LRP1B: variants seen among roughly 807,000 people sequenced by gnomAD.
The protein encoded by LRP1B is LDL receptor related protein 1B.
A neutral mutation model predicts 556.6 loss-of-function variants in LRP1B; 217 were observed. That is an observed-to-expected ratio of 0.39 (90% CI 0.35 to 0.44). The LOEUF is 0.44. Ranked by LOEUF, LRP1B falls within the 20% of genes least tolerant of loss-of-function variation. The pLI is 1.00. For missense variants in LRP1B, 5,053 were observed against 5,620.8 expected, an observed-to-expected ratio of 0.90 and a Z score of 3.23; for synonymous variants, 2,047 against 1,865.8, an observed-to-expected ratio of 1.10 and a Z score of -2.50.
At chr2:140,269,141 C>A (rs1413222365) in intron 86 of LRP1B, 1 of 400,572 alleles carries the variant, frequency 2.5e-6, no homozygotes, top group East Asian at 7.2e-5. Flanking sequence ...GTGTGTATGA[C>A]ACAGATGAGC....
In LRP1B at chr2:142,077,383, T is replaced by C. The variant is rs545427975; in HGVS notation, c.82+53265A>G. Among the ~76,000 whole-genome samples the C allele has an allele frequency of 2.6e-5, 4 of 152,270 alleles. No individual in the cohort carries two copies. In the South Asian group the frequency reaches 6.2e-4, roughly 24 times the overall value. On this transcript the variant is annotated intron_variant, in intron 1 of 90. Transcript: ENST00000389484. Reference sequence around the variant, plus strand: ...AGGGACTATGTCTTATTTAAATTTATATCCCTGTAATCTAGCACAACTTGG... The same window carrying C: ...AGGGACTATGTCTTATTTAAATTTACATCCCTGTAATCTAGCACAACTTGG...
chr2:140,285,842 T>C (rs1474588620), intron 84 of LRP1B, among the ~76,000 whole-genome samples: 1 of 31,782 alleles, frequency 3.1e-5, no homozygotes, highest in Non-Finnish European at 1.2e-4. Context: ...AGGGATTCAG[T>C]CATTACTCTT....
chr2:140,639,187 A>G (rs1684184434), intron 41 of LRP1B, among the ~76,000 whole-genome samples: 1 of 152,212 alleles, frequency 6.6e-6, no homozygotes. Flanking sequence ...CAACGTTGTG[A>G]TAATCATAAT....
Position 141,663,927 on chromosome 2 carries a change from A to AC in LRP1B, c.205+146351_205+146352insG, listed in dbSNP as rs1690321200. 3.3e-5 allele frequency among the ~76,000 whole-genome samples: 5 copies of AC among 151,802 alleles called. No homozygotes were observed. In the South Asian group the frequency reaches 8.3e-4, roughly 25 times the overall value. On this transcript the variant is annotated intron_variant, in intron 2 of 90. Coordinates refer to ENST00000389484, the MANE Select transcript of LRP1B (RefSeq NM_018557.3). ...AACCTTGCAGAGATACATCAAAAAA[A>AC]AAAAAAAAACAAAAACACAAAACTT...
At chr2:141,469,054 G>A (rs770633289) in intron 3 of LRP1B, among the ~76,000 whole-genome samples, 5 of 152,030 alleles carry the variant, frequency 3.3e-5, no homozygotes, top group Non-Finnish European at 5.9e-5. Context: ...TTTCTTAATC[G>A]CAAGCCTAAT....
At chr2:140,989,327 C>T (rs1053139312) in intron 17 of LRP1B, among the ~76,000 whole-genome samples, 1 of 152,076 alleles carries the variant, frequency 6.6e-6, no homozygotes, top group Non-Finnish European at 1.5e-5. Flanking sequence ...CCAAATTAGT[C>T]TGGAAAGCAG....
intron 3 of LRP1B, among the ~76,000 whole-genome samples, chr2:141,463,741 C>G (rs1454032827): frequency 7.0e-6 from 1 of 143,834 alleles, no homozygotes; most frequent in Admixed American, 7.1e-5. Flanking sequence ...TGGATATCCT[C>G]AGAACAAGGA....
intron 25 of LRP1B, among the ~76,000 whole-genome samples, chr2:140,876,500 C>T (rs1473967134): frequency 1.3e-5 from 2 of 152,142 alleles, no homozygotes; most frequent in Non-Finnish European, 2.9e-5. Flanking sequence ...GTGTGCTTTC[C>T]TCTAAGGAAT....
At chr2:141,842,688 C>T (rs887849254) in intron 1 of LRP1B, among the ~76,000 whole-genome samples, 5 of 152,066 alleles carry the variant, frequency 3.3e-5, no homozygotes, top group East Asian at 1.9e-4. Flanking sequence ...ATAAATAACA[C>T]ATGGATGAAT....
chr2:141,159,258 A>G (rs1199623812), intron 7 of LRP1B, among the ~76,000 whole-genome samples: 1 of 152,208 alleles, frequency 6.6e-6, no homozygotes, highest in East Asian at 1.9e-4. Flanking sequence ...GTAAATGTCT[A>G]ACATAATTTT....
chr2:141,013,347 T>C (rs1458673293), intron 14 of LRP1B, among the ~76,000 whole-genome samples: 1 of 152,020 alleles, frequency 6.6e-6, no homozygotes, highest in African/African-American at 2.4e-5. Flanking sequence ...CTCACTCATA[T>C]GGAATTCCCA....
At chr2:140,873,952 A>G (rs1219341277) in intron 25 of LRP1B, among the ~76,000 whole-genome samples, 1 of 151,746 alleles carries the variant, frequency 6.6e-6, no homozygotes, top group East Asian at 1.9e-4. Flanking sequence ...TTTTTTGGTA[A>G]GAAAGCTTAA....
intron 3 of LRP1B, among the ~76,000 whole-genome samples, chr2:141,273,702 C>T (rs1266329431): frequency 6.6e-5 from 10 of 152,078 alleles, no homozygotes; most frequent in Admixed American, 2.6e-4. Flanking sequence ...ATAAAATGCA[C>T]AAGTGACAAA....
At chr2:141,670,227 C>T (rs1690612116) in intron 2 of LRP1B, among the ~76,000 whole-genome samples, 1 of 152,048 alleles carries the variant, frequency 6.6e-6, no homozygotes. Context: ...TCCTTGAGGG[C>T]TTTAGTGTCT....
At chr2:141,115,172 T>G (rs575817403) in intron 7 of LRP1B, among the ~76,000 whole-genome samples, 14 of 150,880 alleles carry the variant, frequency 9.3e-5, no homozygotes, top group Non-Finnish European at 5.9e-5. Flanking sequence ...AAAAAGCATG[T>G]GGACTTTCAA....
At chr2:141,053,633 T>C (rs1328690569) in intron 10 of LRP1B, among the ~76,000 whole-genome samples, 1 of 151,962 alleles carries the variant, frequency 6.6e-6, no homozygotes, top group Non-Finnish European at 1.5e-5. Flanking sequence ...CTGGTCCAGG[T>C]TTTTAAATGA....
intron 1 of LRP1B, among the ~76,000 whole-genome samples, chr2:142,068,192 G>A (rs933458004): frequency 6.6e-6 from 1 of 151,516 alleles, no homozygotes; most frequent in African/African-American, 2.4e-5. Flanking sequence ...TTTATGAAAT[G>A]CAGTAAAATC....
chr2:140,585,325 C>T (rs1383887137), intron 43 of LRP1B, among the ~76,000 whole-genome samples: 1 of 152,050 alleles, frequency 6.6e-6, no homozygotes, highest in Non-Finnish European at 1.5e-5. Context: ...GAAATGTCCT[C>T]GGCTTACTAA....
intron 2 of LRP1B, among the ~76,000 whole-genome samples, chr2:141,487,418 C>A (rs981295556): frequency 6.6e-6 from 1 of 152,132 alleles, no homozygotes; most frequent in African/African-American, 2.4e-5. Context: ...TCTACTTCCT[C>A]TGACATGTTA....
Sources: gnomAD v4.1 joint callset for allele counts (sites outside exome capture counted in the v4.1 genomes callset) on GRCh38, gnomAD v4.1.1 for gene constraint, MANE v1.5 for transcripts, NCBI Gene and HGNC (gene_info 2026-07-23, HGNC 2026-07-21) for gene names.